NRXN3: variants seen among roughly 807,000 people sequenced by gnomAD.
NRXN3 encodes the protein neurexin III.
Under a neutral mutation model 137.6 loss-of-function variants are expected in NRXN3, and 32 were observed. That is an observed-to-expected ratio of 0.23 (90% CI 0.18 to 0.31). The LOEUF is 0.31. Among genes scored for constraint, NRXN3 ranks in the 10% least tolerant of loss-of-function variants. The pLI, the probability that NRXN3 is intolerant of heterozygous loss-of-function variation, is 1.00. For synonymous variants in NRXN3, 798 were observed against 784.5 expected (o/e 1.02, Z -0.29); for missense variants, 1,574 against 2,062.5 (o/e 0.76, Z 4.59).
At chr14:79,074,987 T>G (rs756151316) in intron 15 of NRXN3, among the ~76,000 whole-genome samples, 8 of 152,194 alleles carry the variant, frequency 5.3e-5, no homozygotes, top group Non-Finnish European at 1.2e-4. Context: ...TGACTTAAGT[T>G]TGCAAATTGT....
At chr14:78,422,380 A>T (rs1054219236) in intron 4 of NRXN3, among the ~76,000 whole-genome samples, 1 of 152,204 alleles carries the variant, frequency 6.6e-6, no homozygotes, top group Admixed American at 6.5e-5. Flanking sequence ...ACTTTTGAAC[A>T]TCCCTCCATT....
intron 15 of NRXN3, among the ~76,000 whole-genome samples, chr14:79,340,239 GA>G (rs1002769898): frequency 4.0e-5 from 6 of 151,866 alleles, no homozygotes; most frequent in African/African-American, 1.5e-4. Context: ...CATTTCGTTG[GA>G]GGAGGAGTGT....
At chr14:79,385,577 G>A (rs987386752) in intron 15 of NRXN3, among the ~76,000 whole-genome samples, 1 of 152,068 alleles carries the variant, frequency 6.6e-6, no homozygotes, top group Non-Finnish European at 1.5e-5. Flanking sequence ...AGTGTTGGAG[G>A]TGGGGCCTGG....
chr14:78,219,408 A>G (rs1246471668), intron 1 of NRXN3, among the ~76,000 whole-genome samples: 1 of 152,224 alleles, frequency 6.6e-6, no homozygotes, highest in Non-Finnish European at 1.5e-5. Flanking sequence ...AAACCTCATC[A>G]GATAAACACA....
intron 6 of NRXN3, among the ~76,000 whole-genome samples, chr14:78,681,863 T>G (rs1396021506): frequency 6.6e-6 from 1 of 152,080 alleles, no homozygotes; most frequent in Non-Finnish European, 1.5e-5. Context: ...CGGTTTTGTT[T>G]TTTTTGTTGT....
At chr14:78,501,949 G>A (rs545815798) in intron 4 of NRXN3, among the ~76,000 whole-genome samples, 2 of 152,200 alleles carry the variant, frequency 1.3e-5, no homozygotes, top group Admixed American at 1.3e-4. Flanking sequence ...AGCCCCCCCA[G>A]GGTCTGTTCT....
At chr14:78,687,039 T>C (rs2098131709) in intron 6 of NRXN3, among the ~76,000 whole-genome samples, 2 of 152,070 alleles carry the variant, frequency 1.3e-5, no homozygotes, top group Middle Eastern at 3.4e-3. Context: ...GATGATGGAG[T>C]GCATTTTAGA....
chr14:78,751,507 G>A lies in NRXN3; in HGVS notation c.2044+36368G>A, dbSNP rs185826556. ...TTTCTTGGAGGCTGTGTCTCCTATC[G>A]CTCTGTTTGTACAGCTAGCGCTAAT... is the stretch of plus-strand genomic sequence containing the variant. On this transcript the variant is annotated intron_variant, in intron 8 of 20. Transcript: ENST00000335750. Among the ~76,000 whole-genome samples, 145 of 151,868 alleles carry A rather than the reference G, an allele frequency of 9.5e-4. No homozygotes were observed. The East Asian group carries it at 0.01, about 11-fold the overall frequency.
At chr14:78,960,817 C>A (rs1359464512) in intron 11 of NRXN3, among the ~76,000 whole-genome samples, 4 of 152,114 alleles carry the variant, frequency 2.6e-5, no homozygotes, top group Non-Finnish European at 4.4e-5. Context: ...TAGCACCAAG[C>A]TGTAAAAAGT....
In NRXN3 at chr14:78,190,610, CATTTATTT is replaced by C. The variant is rs753449383; in HGVS notation, c.-704+19974_-704+19981del. 5.3e-4 allele frequency among the ~76,000 whole-genome samples: 78 copies of C among 146,744 alleles called. 1 individual carries two copies. The highest frequency in any genetic ancestry group is 2.2e-3 in the East Asian group (11 of 4,914). Reference sequence around the variant, plus strand: ...GGAAGAATGCAGCTTGTGTCAGTAACATTTATTTATTTATTTATTTATTTATTTATTTA... The same window carrying C: ...GGAAGAATGCAGCTTGTGTCAGTAACATTTATTTATTTATTTATTTATTTA... On this transcript the variant is annotated intron_variant, in intron 1 of 20. Coordinates refer to ENST00000335750, the MANE Select transcript of NRXN3 (RefSeq NM_001330195.2).
chr14:78,918,836 A>G (rs2099263654), intron 10 of NRXN3, among the ~76,000 whole-genome samples: 1 of 152,168 alleles, frequency 6.6e-6, no homozygotes, highest in Non-Finnish European at 1.5e-5. Flanking sequence ...GGAGCATACC[A>G]TATAGTTCAG....
At chr14:78,980,271 A>C (rs1319522979) in intron 14 of NRXN3, among the ~76,000 whole-genome samples, 2 of 152,198 alleles carry the variant, frequency 1.3e-5, no homozygotes, top group Admixed American at 6.5e-5. Flanking sequence ...CAGGCCTGTC[A>C]CTTCTCCTTT....
At chr14:78,245,076 A>G (rs1334856620) in intron 2 of NRXN3, among the ~76,000 whole-genome samples, 3 of 152,320 alleles carry the variant, frequency 2.0e-5, no homozygotes, top group South Asian at 2.1e-4. Context: ...CCATACAGGT[A>G]TGTATGTTGA....
chr14:79,556,442 AC>A (rs1480411881), intron 16 of NRXN3, among the ~76,000 whole-genome samples: 1 of 152,166 alleles, frequency 6.6e-6, no homozygotes, highest in Non-Finnish European at 1.5e-5. Context: ...ATGGATATAA[AC>A]AAAAAACATA....
intron 19 of NRXN3, among the ~76,000 whole-genome samples, chr14:79,780,977 CT>C (rs1452759793): frequency 1.3e-5 from 2 of 152,164 alleles, no homozygotes; most frequent in East Asian, 3.9e-4. Flanking sequence ...ATTATCTTGA[CT>C]TATATGTAAG....
At chr14:78,997,775 A>G (rs1295633016) in intron 15 of NRXN3, among the ~76,000 whole-genome samples, 1 of 152,358 alleles carries the variant, frequency 6.6e-6, no homozygotes, top group East Asian at 1.9e-4. Flanking sequence ...TCATCTTCTC[A>G]GAAACTTTTC....
intron 15 of NRXN3, among the ~76,000 whole-genome samples, chr14:79,148,341 C>A (rs1339900060): frequency 6.6e-6 from 1 of 152,168 alleles, no homozygotes; most frequent in African/African-American, 2.4e-5. Context: ...GAAGCTGAGA[C>A]AGCTAGAGCA....
At chr14:78,384,387 C>A (rs1031050992) in intron 4 of NRXN3, among the ~76,000 whole-genome samples, 1 of 151,956 alleles carries the variant, frequency 6.6e-6, no homozygotes, top group Non-Finnish European at 1.5e-5. Flanking sequence ...CATCCCCAAC[C>A]CCCAATGACA....
intron 4 of NRXN3, among the ~76,000 whole-genome samples, chr14:78,636,939 C>G (rs1013534523): frequency 3.1e-4 from 47 of 151,960 alleles, no homozygotes; most frequent in African/African-American, 1.1e-3. Context: ...GTGTGCAGTA[C>G]AATTGGCAAA....
Sources: gnomAD v4.1 joint callset for allele counts (sites outside exome capture counted in the v4.1 genomes callset) on GRCh38, gnomAD v4.1.1 for gene constraint, MANE v1.5 for transcripts, NCBI Gene and HGNC (gene_info 2026-07-23, HGNC 2026-07-21) for gene names.